The following FRY variants were observed in gnomAD, a reference collection of about 807,000 sequenced individuals.
FRY encodes the protein FRY microtubule binding protein, also known as protein furry homolog.
Under a neutral mutation model 348.4 loss-of-function variants are expected in FRY, and 128 were observed. The observed-to-expected ratio is 0.37, with a 90% CI of 0.32 to 0.43. The LOEUF is 0.43. Ranked by LOEUF, FRY falls within the 20% of genes least tolerant of loss-of-function variation. FRY has a pLI of 1.00. For synonymous variants in FRY, 1,370 were observed against 1,374.7 expected (o/e 1.00, Z 0.08); for missense variants, 2,736 against 3,695.2 (o/e 0.74, Z 6.73).
chr13:32,224,881 G>A, intron 37 of FRY, 52 bp from the exon 38 acceptor site: 1 of 1,030,326 alleles, frequency 9.7e-7, no homozygotes, highest in Non-Finnish European at 1.5e-6. Flanking sequence ...TGATCTACTA[G>A]TATTTCCATC....
chr13:32,095,337 C>CTTT (rs61006034), intron 2 of FRY, among the ~76,000 whole-genome samples: 713 of 58,340 alleles, frequency 0.012, 209 homozygotes, highest in Non-Finnish European at 0.018. Context: ...TGTATGGAAG[C>CTTT]TTTTTTTTTT....
At chr13:32,287,166 A>G (rs981382101) in intron 58 of FRY, among the ~76,000 whole-genome samples, 12 of 93,390 alleles carry the variant, frequency 1.3e-4, no homozygotes, top group African/African-American at 3.4e-4. Flanking sequence ...CTCCATCTCA[A>G]AAAAAAAAAA....
chr13:32,051,534 C>T (rs1158188769), intron 1 of FRY, among the ~76,000 whole-genome samples: 2 of 152,154 alleles, frequency 1.3e-5, no homozygotes, highest in African/African-American at 2.4e-5. Context: ...CTCTGTGAGA[C>T]GAGTATACTC....
At chr13:32,290,606 A>C (rs1363998892) in intron 59 of FRY, among the ~76,000 whole-genome samples, 2 of 152,166 alleles carry the variant, frequency 1.3e-5, no homozygotes, top group African/African-American at 2.4e-5. Context: ...ATCATAAGAC[A>C]TGCCGCACCT....
intron 1 of FRY, among the ~76,000 whole-genome samples, chr13:32,049,093 G>A (rs768912983): frequency 6.6e-6 from 1 of 152,206 alleles, no homozygotes; most frequent in East Asian, 1.9e-4. Context: ...CCCATGCCAG[G>A]CATTGTGCTG....
intron 28 of FRY, 85 bp from the exon 29 acceptor site, chr13:32,194,058 T>G: frequency 7.5e-7 from 1 of 1,324,696 alleles, no homozygotes; most frequent in Admixed American, 1.7e-5. Flanking sequence ...TTACTCAGTT[T>G]ATATTGACTA....
chr13:32,231,380 C>T lies in FRY; in HGVS notation c.5527+80C>T, dbSNP rs1252741589. The stretch of plus-strand genomic sequence containing the variant: ...CTGTCTCTATATGATGATTACAGCG[C>T]CTTAAAACGGTCCTGCACTCCACAT... On this transcript the variant is annotated intron_variant, in intron 41 of 60. Transcript: ENST00000542859. 13 of 1,449,254 alleles carry T rather than the reference C, an allele frequency of 9.0e-6. No homozygotes were observed. The East Asian group carries it at 1.8e-4, about 20-fold the overall frequency. The allele number at this position is 1,449,254 out of a possible 1,614,324, so 89.8% of individuals were successfully genotyped here. A position where few individuals can be genotyped will look rare whatever the true frequency, so the allele number is the denominator to read the frequency against.
At chr13:32,248,842 G>A (rs1413869431) in intron 48 of FRY, among the ~76,000 whole-genome samples, 1 of 152,166 alleles carries the variant, frequency 6.6e-6, no homozygotes, top group African/African-American at 2.4e-5. Flanking sequence ...CATGCAGCTG[G>A]TTAGCAGCAT....
At chr13:32,256,768 C>CA (rs1887361281) in intron 51 of FRY, among the ~76,000 whole-genome samples, 1 of 152,148 alleles carries the variant, frequency 6.6e-6, no homozygotes, top group Non-Finnish European at 1.5e-5. Context: ...AGCATGGATG[C>CA]AATTCCTCTT....
rs138486645 is a variant in FRY, at chr13:32,195,905, C to G, written c.3746+1608C>G. On this transcript the variant is annotated intron_variant, in intron 29 of 60. Transcript: ENST00000542859. ...TGAACCCAACTGTCCAGATAGTGACCAGCATTTCTGCCATTTCTCAACACA... is the reference window on the plus strand; with the variant it reads ...TGAACCCAACTGTCCAGATAGTGACGAGCATTTCTGCCATTTCTCAACACA... 2.3e-3 allele frequency among the ~76,000 whole-genome samples: 352 copies of G among 152,266 alleles called. 1 individual carries two copies. Among genetic ancestry groups the G allele is most frequent in the African/African-American group, 8.1e-3 (337 of 41,550 alleles).
chr13:32,064,708 C>A (rs755541457), intron 1 of FRY, among the ~76,000 whole-genome samples: 5 of 152,204 alleles, frequency 3.3e-5, no homozygotes, highest in Non-Finnish European at 7.3e-5. Context: ...AACCTAGTGG[C>A]ATACTGTGAC....
chr13:32,170,896 G>T, intron 17 of FRY, 116 bp from the exon 18 acceptor site: 1 of 807,866 alleles, frequency 1.2e-6, no homozygotes, highest in Non-Finnish European at 2.1e-6. Flanking sequence ...AAATAAGGGA[G>T]ACCCATTTTC....
Position 32,115,031 on chromosome 13 carries a change from TA to T in FRY, c.325-2302del, listed in dbSNP as rs1878213800. 3.9e-5 allele frequency among the ~76,000 whole-genome samples: 6 copies of T among 152,340 alleles called. No individual in the cohort carries two copies. In the South Asian group the frequency reaches 1.2e-3, roughly 32 times the overall value. ...GGCAGGCTGAATGCAATAGCCTATT[TA>T]TTTTTACCTTATATTAACTCATAAC... On this transcript the variant is annotated intron_variant, in intron 3 of 60. Transcript: ENST00000542859.
chr13:32,218,945 T>C (rs1034308524), intron 36 of FRY, 114 bp downstream of exon 36: 1 of 704,434 alleles, frequency 1.4e-6, no homozygotes, highest in African/African-American at 1.8e-5. Context: ...AGATATTAAG[T>C]AACCATTTAA....
At chr13:32,244,798 A>G (rs1886694059) in intron 47 of FRY, among the ~76,000 whole-genome samples, 1 of 152,170 alleles carries the variant, frequency 6.6e-6, no homozygotes, top group African/African-American at 2.4e-5. Flanking sequence ...TCCATAATAA[A>G]CAGTCTTTAT....
At chr13:32,033,467 A>G (rs143183530) in intron 1 of FRY, among the ~76,000 whole-genome samples, 37 of 152,254 alleles carry the variant, frequency 2.4e-4, no homozygotes, top group Admixed American at 2.0e-3. Context: ...GGCCAATGGG[A>G]TTTCTTTTAA....
intron 54 of FRY, among the ~76,000 whole-genome samples, chr13:32,265,883 G>C (rs1887901595): frequency 6.6e-6 from 1 of 152,154 alleles, no homozygotes; most frequent in African/African-American, 2.4e-5. Flanking sequence ...CTGGAAACAT[G>C]GTCCAGACCT....
intron 55 of FRY, among the ~76,000 whole-genome samples, chr13:32,270,705 T>G (rs1305214064): frequency 6.6e-6 from 1 of 152,218 alleles, no homozygotes; most frequent in East Asian, 1.9e-4. Context: ...TGGGTGTCAC[T>G]TCAGTTAGTA....
Position 32,237,922 on chromosome 13 carries a change from G to A in FRY, c.6354G>A (p.Leu2118=). 1.9e-6 allele frequency: 3 copies of A among 1,614,068 alleles called. No individual in the cohort carries two copies. Among genetic ancestry groups the A allele is most frequent in the Non-Finnish European group, 2.5e-6 (3 of 1,179,968 alleles). ...CCCTCACCACCACAGACCTGACCCT[G>A]CAGCTCTTCAGTCTGCTGACACCAG... ...FTSLTTTDLT[L]QLFSLLTPVS... is the part of the protein sequence containing the mutation. The change falls in exon 44 of 61, where the codon CTG becomes CTA. Residue 2118 remains leucine (L), a synonymous_variant. Transcript: ENST00000542859. The surrounding 1 kb of genome is among the most constrained non-coding windows in gnomAD (Gnocchi z 6.3).
Sources: gnomAD v4.1 joint callset for allele counts (sites outside exome capture counted in the v4.1 genomes callset) on GRCh38, gnomAD v4.1.1 for gene constraint, Gnocchi (gnomAD v3.1) non-coding constraint, MANE v1.5 for transcripts, NCBI Gene and HGNC (gene_info 2026-07-23, HGNC 2026-07-21) for gene names.